Variants in FHOD3 observed in about 807,000 individuals in gnomAD.
FHOD3 encodes the protein formin homology 2 domain containing 3, also known as FH1/FH2 domain-containing protein 3.
A neutral mutation model predicts 173.0 loss-of-function variants in FHOD3; 90 were observed. That is an observed-to-expected ratio of 0.52 (90% confidence interval 0.44 to 0.62). The LOEUF is 0.62. Ranked by LOEUF, FHOD3 falls within the 20% of genes least tolerant of loss-of-function variation. The probability of loss-of-function intolerance (pLI) is 0.00; values close to 1 mark genes in which losing one functional copy is unlikely to be tolerated. For synonymous variants in FHOD3, 828 were observed against 823.0 expected (o/e 1.01, Z -0.10); for missense variants, 1,945 against 2,034.7 (o/e 0.96, Z 0.85).
chr18:36,705,947 C>CTATG, intron 17 of FHOD3, among the ~76,000 whole-genome samples: 1 of 142,800 alleles, frequency 7.0e-6, no homozygotes, highest in African/African-American at 2.6e-5. Flanking sequence ...TCAGAAGGAA[C>CTATG]TGTGTGTGTG....
At chr18:36,688,707 C>G (rs1600247855) in intron 16 of FHOD3, among the ~76,000 whole-genome samples, 1 of 152,222 alleles carries the variant, frequency 6.6e-6, no homozygotes, top group East Asian at 1.9e-4. Flanking sequence ...CTTTCAACAA[C>G]TTGACTGTTA....
rs76795071 is a variant in FHOD3, at chr18:36,706,332, T to A, written c.2237-2763T>A. 3.1e-3 allele frequency among the ~76,000 whole-genome samples: 469 copies of A among 152,328 alleles called. 5 individuals carry two copies. The highest frequency in any genetic ancestry group is 4.7e-3 in the Non-Finnish European group (323 of 68,026). ...TGGCCTCAGATTTGCAATCAGACCT[T>A]GTAGACACTGAGTCATGTATTCTGG... On this transcript the variant is annotated intron_variant, in intron 17 of 28. Coordinates refer to ENST00000590592, the MANE Select transcript of FHOD3 (RefSeq NM_001281740.3).
At chr18:36,462,087 A>T (rs2052588573) in intron 3 of FHOD3, among the ~76,000 whole-genome samples, 1 of 152,126 alleles carries the variant, frequency 6.6e-6, no homozygotes, top group African/African-American at 2.4e-5. Context: ...ATCATTACAG[A>T]TGCTTTATGA....
chr18:36,483,801 CT>C (rs1205306541), intron 3 of FHOD3, among the ~76,000 whole-genome samples: 1 of 152,210 alleles, frequency 6.6e-6, no homozygotes, highest in African/African-American at 2.4e-5. Flanking sequence ...AATGAGCCCT[CT>C]GGAGCAGATG....
intron 5 of FHOD3, among the ~76,000 whole-genome samples, chr18:36,519,919 G>T (rs1277437668): frequency 6.7e-6 from 1 of 149,466 alleles, no homozygotes; most frequent in Non-Finnish European, 1.5e-5. Flanking sequence ...TTGTCTCTGG[G>T]TAACTTTAGT....
intron 1 of FHOD3, among the ~76,000 whole-genome samples, chr18:36,335,545 A>G (rs1233409732): frequency 6.6e-6 from 1 of 152,084 alleles, no homozygotes; most frequent in South Asian, 2.1e-4. Context: ...AAGAAAGTTT[A>G]TGAATTTATG....
At chr18:36,361,366 G>A (rs1368655151) in intron 2 of FHOD3, among the ~76,000 whole-genome samples, 1 of 152,072 alleles carries the variant, frequency 6.6e-6, no homozygotes, top group African/African-American at 2.4e-5. Context: ...GGTTTGGAGT[G>A]AGGTTCAGAA....
chr18:36,574,534 C>G (rs569929853), intron 5 of FHOD3, among the ~76,000 whole-genome samples: 1 of 151,896 alleles, frequency 6.6e-6, no homozygotes, highest in Non-Finnish European at 1.5e-5. Flanking sequence ...TTATATCAAA[C>G]TTTCATATGC....
intron 3 of FHOD3, among the ~76,000 whole-genome samples, chr18:36,475,153 C>A (rs753988514): frequency 8.5e-5 from 13 of 152,132 alleles, no homozygotes; most frequent in Non-Finnish European, 1.5e-4. Context: ...TGTGCATTTC[C>A]TGGCAGTGTT....
At chr18:36,446,410 C>CTTT (rs370689817) in intron 3 of FHOD3, among the ~76,000 whole-genome samples, 1 of 144,166 alleles carries the variant, frequency 6.9e-6, no homozygotes, top group Non-Finnish European at 1.5e-5. Context: ...CCTCTGCGGA[C>CTTT]TTTTTTTTTT....
chr18:36,763,927 C>T (rs1271660775), intron 27 of FHOD3, among the ~76,000 whole-genome samples: 1 of 152,170 alleles, frequency 6.6e-6, no homozygotes, highest in Non-Finnish European at 1.5e-5. Flanking sequence ...TTCCAAACCT[C>T]TTTCCAAAAC....
chr18:36,423,582 T>G (rs1324601265), intron 3 of FHOD3, among the ~76,000 whole-genome samples: 1 of 152,134 alleles, frequency 6.6e-6, no homozygotes, highest in Admixed American at 6.5e-5. Context: ...CTTATTATAG[T>G]GAACAATAGT....
At chr18:36,377,204 T>C (rs2047486119) in intron 3 of FHOD3, among the ~76,000 whole-genome samples, 1 of 152,312 alleles carries the variant, frequency 6.6e-6, no homozygotes, top group South Asian at 2.1e-4. Context: ...CCAGACCCTT[T>C]CCAGGTTCTG....
At chr18:36,483,467 T>C (rs1402103398) in intron 3 of FHOD3, among the ~76,000 whole-genome samples, 2 of 152,220 alleles carry the variant, frequency 1.3e-5, no homozygotes, top group Non-Finnish European at 2.9e-5. Flanking sequence ...AGTATCTTTT[T>C]GTGTATTGCT....
intron 16 of FHOD3, among the ~76,000 whole-genome samples, chr18:36,689,099 T>C (rs569700774): frequency 5.3e-5 from 8 of 152,356 alleles, no homozygotes; most frequent in Non-Finnish European, 1.2e-4. Context: ...GCCATTTTTC[T>C]TGTTAGTTTT....
chr18:36,714,478 A>G (rs1023843396), intron 18 of FHOD3, among the ~76,000 whole-genome samples: 20 of 152,196 alleles, frequency 1.3e-4, no homozygotes, highest in African/African-American at 4.8e-4. Flanking sequence ...TAGAGGCTGC[A>G]TTGAGCCGAG....
chr18:36,404,452 G>A (rs750692333), intron 3 of FHOD3, among the ~76,000 whole-genome samples: 2 of 152,226 alleles, frequency 1.3e-5, no homozygotes, highest in Non-Finnish European at 2.9e-5. Flanking sequence ...CCCAGCAGCT[G>A]ACACCTAAAA....
chr18:36,604,459 T>C (rs1371091348), intron 8 of FHOD3, among the ~76,000 whole-genome samples: 1 of 152,172 alleles, frequency 6.6e-6, no homozygotes. Context: ...AGATGATTGG[T>C]GCAGAGGAGC....
At chr18:36,451,328 G>C (rs992774643) in intron 3 of FHOD3, among the ~76,000 whole-genome samples, 1 of 152,210 alleles carries the variant, frequency 6.6e-6, no homozygotes, top group Non-Finnish European at 1.5e-5. Context: ...GACTAGAGTT[G>C]ACCCACTCCT....
Sources: allele counts gnomAD v4.1 joint callset (sites outside exome capture counted in the v4.1 genomes callset), GRCh38; gene constraint gnomAD v4.1.1; transcripts MANE v1.5; gene names NCBI Gene and HGNC (gene_info 2026-07-23, HGNC 2026-07-21).